Variants in MEGF11 observed in about 807,000 individuals in gnomAD.
MEGF11 encodes multiple epidermal growth factor-like domains protein 11.
A neutral mutation model predicts 146.6 loss-of-function variants in MEGF11; 126 were observed. The observed-to-expected ratio is 0.86, with a 90% CI of 0.74 to 1.00. The LOEUF (loss-of-function observed/expected upper bound fraction) is 1.00. Among genes scored for constraint, MEGF11 ranks in the 50% least tolerant of loss-of-function variants. The pLI, the probability that MEGF11 is intolerant of heterozygous loss-of-function variation, is 0.00. For synonymous variants in MEGF11, 532 were observed against 583.4 expected, an observed-to-expected ratio of 0.91 and a Z score of 1.27; for missense variants, 1,509 against 1,521.2, an observed-to-expected ratio of 0.99 and a Z score of 0.13.
At chr15:66,249,815 G>C (rs1453649324) in intron 1 of MEGF11, among the ~76,000 whole-genome samples, 2 of 152,210 alleles carry the variant, frequency 1.3e-5, no homozygotes. Flanking sequence ...TCAGAAACTT[G>C]GGAGTGTGGC....
At chr15:66,184,929 A>G (rs1013959350) in intron 1 of MEGF11, among the ~76,000 whole-genome samples, 1 of 151,952 alleles carries the variant, frequency 6.6e-6, no homozygotes, top group African/African-American at 2.4e-5. Flanking sequence ...TCCTAGAGCC[A>G]TATTCCTTTC....
chr15:66,075,925 G>A (rs1475785635), intron 5 of MEGF11, among the ~76,000 whole-genome samples: 1 of 152,198 alleles, frequency 6.6e-6, no homozygotes, highest in Non-Finnish European at 1.5e-5. Flanking sequence ...GTGACTCAAA[G>A]GTCACTTGCC....
chr15:66,046,028 G>C (rs2084191388), intron 5 of MEGF11, among the ~76,000 whole-genome samples: 1 of 151,650 alleles, frequency 6.6e-6, no homozygotes, highest in African/African-American at 2.4e-5. Flanking sequence ...GCTTGAACCT[G>C]GGAGGCGGAG....
At chr15:66,122,975 G>A (rs1382313343) in intron 3 of MEGF11, among the ~76,000 whole-genome samples, 2 of 152,030 alleles carry the variant, frequency 1.3e-5, no homozygotes, top group Non-Finnish European at 1.5e-5. Context: ...AGTAGAGACG[G>A]GGTTTCACTG....
At chr15:66,114,649 G>A (rs2140885039) in intron 4 of MEGF11, among the ~76,000 whole-genome samples, 1 of 152,268 alleles carries the variant, frequency 6.6e-6, no homozygotes, top group African/African-American at 2.4e-5. Context: ...GAAGCTTGGA[G>A]GGAGGGAGGA....
intron 5 of MEGF11, among the ~76,000 whole-genome samples, chr15:66,002,993 T>C (rs72742873): frequency 4.4e-5 from 2 of 45,020 alleles, no homozygotes; most frequent in African/African-American, 6.2e-5. Context: ...TTCTTTCTTT[T>C]TTCTTTTTTT....
chr15:65,960,254 C>G (rs2080812040), intron 9 of MEGF11, among the ~76,000 whole-genome samples: 1 of 152,172 alleles, frequency 6.6e-6, no homozygotes, highest in African/African-American at 2.4e-5. Flanking sequence ...CCCTAACTTA[C>G]CAAAACTGAG....
At chr15:66,072,671 C>T (rs2085417306) in intron 5 of MEGF11, among the ~76,000 whole-genome samples, 1 of 152,216 alleles carries the variant, frequency 6.6e-6, no homozygotes, top group Non-Finnish European at 1.5e-5. Flanking sequence ...CTTCTCCCTG[C>T]TGGCTTTTGG....
intron 2 of MEGF11, 24 bp from the exon 3 acceptor site, chr15:66,124,024 A>C: frequency 1.9e-6 from 3 of 1,565,072 alleles, no homozygotes; most frequent in Non-Finnish European, 2.6e-6. Context: ...GGGAGATAGG[A>C]GCCATGATTA....
In MEGF11 at chr15:65,896,144, A is replaced by G. The variant is rs1321041302; in HGVS notation, c.*1790T>C. On this transcript the variant is annotated 3_prime_UTR_variant, in exon 26 of 26. Coordinates refer to ENST00000395614, the MANE Select transcript of MEGF11 (RefSeq NM_001385028.1). ...TGCTTACCTATATTTCTTTCTACAT[A>G]TGTATGAGAAATATTTACTTGGGTC... is the stretch of plus-strand genomic sequence containing the variant. The G allele has an allele frequency of 2.0e-5, 3 of 152,540 alleles. No homozygotes were observed. Among genetic ancestry groups the G allele is most frequent in the Non-Finnish European group, 4.4e-5 (3 of 68,030 alleles). 9.4% of individuals were successfully genotyped at this position (152,540 alleles called of 1,614,324 possible). A position where few individuals can be genotyped will look rare whatever the true frequency, so the allele number is the denominator to read the frequency against.
At chr15:65,942,173 A>G (rs1317786682) in intron 10 of MEGF11, among the ~76,000 whole-genome samples, 1 of 152,168 alleles carries the variant, frequency 6.6e-6, no homozygotes, top group Non-Finnish European at 1.5e-5. Flanking sequence ...TCTCCCCTAG[A>G]CCAGGCTGCC....
intron 8 of MEGF11, among the ~76,000 whole-genome samples, chr15:65,969,428 T>C (rs1000336691): frequency 7.9e-5 from 12 of 152,170 alleles, no homozygotes; most frequent in Non-Finnish European, 1.2e-4. Flanking sequence ...CAGGGAGGGA[T>C]GGATCCCCAG....
At chr15:66,131,837 A>G (rs1049168014) in intron 1 of MEGF11, among the ~76,000 whole-genome samples, 1 of 152,210 alleles carries the variant, frequency 6.6e-6, no homozygotes, top group East Asian at 1.9e-4. Context: ...AATATTTCCC[A>G]TGGAACTCTT....
intron 1 of MEGF11, among the ~76,000 whole-genome samples, chr15:66,162,494 C>T (rs1322365578): frequency 1.3e-5 from 2 of 152,092 alleles, no homozygotes; most frequent in Non-Finnish European, 2.9e-5. Context: ...ACAAAAATGA[C>T]GTTATGCCAA....
At chr15:66,159,728 T>G (rs2141069939) in intron 1 of MEGF11, among the ~76,000 whole-genome samples, 1 of 152,160 alleles carries the variant, frequency 6.6e-6, no homozygotes, top group Admixed American at 6.6e-5. Flanking sequence ...CAGTGGTACC[T>G]TCTGGGGACC....
At chr15:66,032,181 C>T (rs1164819564) in intron 5 of MEGF11, among the ~76,000 whole-genome samples, 1 of 152,248 alleles carries the variant, frequency 6.6e-6, no homozygotes, top group African/African-American at 2.4e-5. Context: ...GGGATTGCTG[C>T]TTTACCACAT....
At chr15:65,950,785 C>T (rs1198425706) in intron 10 of MEGF11, among the ~76,000 whole-genome samples, 1 of 152,196 alleles carries the variant, frequency 6.6e-6, no homozygotes, top group Non-Finnish European at 1.5e-5. Context: ...AAGCTCATGC[C>T]ACTGCTCAAA....
At chr15:66,127,851 G>A (rs1403860012) in intron 2 of MEGF11, among the ~76,000 whole-genome samples, 1 of 137,538 alleles carries the variant, frequency 7.3e-6, no homozygotes, top group South Asian at 2.6e-4. Flanking sequence ...CCCCTCACCC[G>A]TCCTCCTCAG....
At chr15:65,992,983 A>T (rs2082100924) in intron 5 of MEGF11, among the ~76,000 whole-genome samples, 1 of 152,168 alleles carries the variant, frequency 6.6e-6, no homozygotes, top group Non-Finnish European at 1.5e-5. Context: ...AGAAGAAGGT[A>T]TTGACACCCA....
Sources: allele counts gnomAD v4.1 joint callset (sites outside exome capture counted in the v4.1 genomes callset), GRCh38; gene constraint gnomAD v4.1.1; transcripts MANE v1.5; gene names NCBI Gene and HGNC (gene_info 2026-07-23, HGNC 2026-07-21).